The following LRTM2 variants were observed in gnomAD, a reference collection of about 807,000 sequenced individuals.
LRTM2 encodes the protein leucine-rich repeat and transmembrane domain-containing protein 2.
In LRTM2, 18 loss-of-function variants were observed where a neutral mutation model predicts 28.1. The ratio of observed to expected loss-of-function variants is 0.64; its 90% CI spans 0.44 to 0.95. The LOEUF (loss-of-function observed/expected upper bound fraction) is 0.95, where lower values mean the gene tolerates loss of function less well. LRTM2 is among the 40% of genes least tolerant of loss of function. The pLI, the probability that LRTM2 is intolerant of heterozygous loss-of-function variation, is 0.00. For missense variants in LRTM2, 436 were observed against 497.2 expected, an observed-to-expected ratio of 0.88 and a Z score of 1.17; for synonymous variants, 250 against 218.7, an observed-to-expected ratio of 1.14 and a Z score of -1.26.
At chr12:1,827,055 C>T (rs983907190) in intron 1 of LRTM2, among the ~76,000 whole-genome samples, 12 of 152,328 alleles carry the variant, frequency 7.9e-5, no homozygotes, top group Middle Eastern at 3.4e-3. Flanking sequence ...GGCTGGGAGC[C>T]GCCTGGAGCA....
Position 1,833,672 on chromosome 12 carries a change from C to G in LRTM2, c.659-595C>G, listed in dbSNP as rs1461055803. Among the ~76,000 whole-genome samples, 1 of 152,158 alleles carries G rather than the reference C, an allele frequency of 6.6e-6. No individual in the cohort carries two copies. The highest frequency in any genetic ancestry group is 1.5e-5 in the Non-Finnish European group (1 of 68,030). On this transcript the variant is annotated intron_variant, in intron 4 of 4. Coordinates refer to ENST00000299194, the MANE Select transcript of LRTM2 (RefSeq NM_001039029.3). The surrounding 1 kb of genome is among the most constrained non-coding windows in gnomAD (Gnocchi z 4.2). ...AACATTCCTGCCCAACTCTTTTCCT[C>G]TTTACGCCAGGAAGGGAGCTGCCCA...
intron 1 of LRTM2, among the ~76,000 whole-genome samples, chr12:1,826,359 A>G (rs1864315341): frequency 6.6e-6 from 1 of 150,978 alleles, no homozygotes; most frequent in Non-Finnish European, 1.5e-5. Context: ...AGAGGCTTTA[A>G]GCAGTTTGTT....
intron 3 of LRTM2, 119 bp from the exon 4 acceptor site, chr12:1,830,816 G>A: frequency 1.3e-6 from 1 of 794,746 alleles, no homozygotes; most frequent in Non-Finnish European, 2.0e-6. Context: ...CATTGATTGT[G>A]GCTTGTGCCA....
chr12:1,831,177 C>T lies in LRTM2; in HGVS notation c.310C>T (p.Leu104=). 6.2e-7 allele frequency: 1 copy of T among 1,613,974 alleles called. No homozygotes were observed. The highest frequency in any genetic ancestry group is 8.5e-7 in the Non-Finnish European group (1 of 1,180,022). Residue 104 remains leucine, a synonymous_variant, in exon 4 of 5, where the codon CTG becomes TTG. Coordinates refer to ENST00000299194, the MANE Select transcript of LRTM2 (RefSeq NM_001039029.3). ...LQRLDLSNNF[L]DRLPRSIFGD... is the part of the protein sequence containing the mutation. Reference sequence around the variant, plus strand: ...GCGGTTGGACCTGTCCAACAACTTCCTGGACCGGCTGCCCCGCTCCATTTT... The same window carrying T: ...GCGGTTGGACCTGTCCAACAACTTCTTGGACCGGCTGCCCCGCTCCATTTT...
Position 1,835,433 on chromosome 12 carries a change from A to G in LRTM2, c.*712A>G, listed in dbSNP as rs78537235. 20,652 of 152,450 alleles carry G rather than the reference A, an allele frequency of 0.14. 1,665 individuals are homozygous for G. The highest frequency in any genetic ancestry group is 0.18 in the Non-Finnish European group (11,962 of 68,164). 9.4% of individuals were successfully genotyped at this position (152,450 alleles called of 1,614,324 possible). On this transcript the variant is annotated 3_prime_UTR_variant, in exon 5 of 5. Transcript: ENST00000299194. ...ATTGAAAGAATTAATACACACACAC[A>G]CACACACACACTCACACGGTCACAC... is the stretch of plus-strand genomic sequence containing the variant.
At chr12:1,824,787 G>A (rs1358853134) in intron 1 of LRTM2, among the ~76,000 whole-genome samples, 1 of 152,176 alleles carries the variant, frequency 6.6e-6, no homozygotes, top group Non-Finnish European at 1.5e-5. Flanking sequence ...GGATGGAGGC[G>A]TGTTGGTAGG....
intron 1 of LRTM2, among the ~76,000 whole-genome samples, chr12:1,826,436 C>T: frequency 7.2e-6 from 1 of 139,742 alleles, no homozygotes; most frequent in Admixed American, 7.8e-5. Context: ...CACCAGGAGC[C>T]CACTGGAGCC....
chr12:1,831,515 C>T lies in LRTM2; in HGVS notation c.648C>T (p.Phe216=). ...AGTTCAAACACTGGATGGAGTGGTT[C>T]TCCTACCGAGGTGAGCGCAGCCGGC... The part of the protein sequence containing the change: ...LREFKHWMEW[F]SYRGGRLDQL... The change falls in exon 4 of 5, where the codon TTC becomes TTT. Residue 216 remains phenylalanine (F), a synonymous_variant. Coordinates refer to ENST00000299194, the MANE Select transcript of LRTM2 (RefSeq NM_001039029.3). 4 of 1,612,528 alleles carry T rather than the reference C, an allele frequency of 2.5e-6. No individual in the cohort carries two copies. In the South Asian group the frequency reaches 4.4e-5, roughly 18 times the overall value.
rs1361771201 is a variant in LRTM2 at position 1,831,055 on chromosome 12, C to A, written c.188C>A (p.Pro63His). Reference sequence around the variant, plus strand: ...AGTGGCCTTGGCCTCACCACGGTGCCCCCAGACGTGCCCGCAGCCACCCGA... The same window carrying A: ...AGTGGCCTTGGCCTCACCACGGTGCACCCAGACGTGCCCGCAGCCACCCGA... ...DCSGLGLTTV[P>H]PDVPAATRTL... Residue 63 changes from proline (P) to histidine (H), a missense_variant, in exon 4 of 5, where the codon CCC becomes CAC. Pro to His is a moderately conservative substitution (Grantham distance 77, BLOSUM62 -2). Coordinates refer to ENST00000299194, the MANE Select transcript of LRTM2 (RefSeq NM_001039029.3). 1 of 1,613,934 alleles carries A rather than the reference C, an allele frequency of 6.2e-7. No homozygotes were observed. The highest frequency in any genetic ancestry group is 8.5e-7 in the Non-Finnish European group (1 of 1,180,046).
intron 1 of LRTM2, among the ~76,000 whole-genome samples, chr12:1,825,822 C>G (rs1395469694): frequency 1.5e-5 from 2 of 135,836 alleles, no homozygotes; most frequent in African/African-American, 2.5e-5. Flanking sequence ...CAGCCTGGCT[C>G]TGAAACCTGC....
At position 1,835,008 on chromosome 12, in the gene LRTM2, C is replaced by T. The variant is rs952440058; in HGVS notation, c.*287C>T. On this transcript the variant is annotated 3_prime_UTR_variant, in exon 5 of 5. Transcript: ENST00000299194. ...CCACAGCAAAGCAAGGAGGTGTGTG[C>T]AAGAGGAGGCTTCCGGACTGGGCAT... 4.5e-6 allele frequency: 2 copies of T among 444,172 alleles called. No individual in the cohort carries two copies. The highest frequency in any genetic ancestry group is 3.9e-6 in the Non-Finnish European group (1 of 257,258). The allele number at this position is 444,172 out of a possible 1,614,324, so 27.5% of individuals were successfully genotyped here.
chr12:1,824,279 C>T lies in LRTM2; in HGVS notation c.-258-3131C>T, dbSNP rs139771443. Among the ~76,000 whole-genome samples the T allele has an allele frequency of 3.6e-3, 542 of 152,294 alleles. 2 individuals are homozygous for T. The highest frequency in any genetic ancestry group is 0.012 in the African/African-American group (508 of 41,540). On this transcript the variant is annotated intron_variant, in intron 1 of 4. Transcript: ENST00000299194. ...ATCCCCTGGGGATCTTGTTAAAATG[C>T]GGATTCTGACTCAGTCATTCTGGAT...
rs376511031 is a variant in LRTM2, at chr12:1,831,452, C to T, written c.585C>T (p.Val195=). 37 of 1,613,988 alleles carry T rather than the reference C, an allele frequency of 2.3e-5. No homozygotes were observed. The highest frequency in any genetic ancestry group is 3.3e-5 in the Admixed American group (2 of 60,008). Residue 195 remains valine (V), a synonymous_variant, in exon 4 of 5, where the codon GTC becomes GTT. Coordinates refer to ENST00000299194, the MANE Select transcript of LRTM2 (RefSeq NM_001039029.3). The part of the protein sequence containing the change: ...EPLANLQLLQ[V]GDNPWECDCN... ...TAGCAAACCTGCAGCTGCTGCAGGT[C>T]GGGGATAACCCCTGGGAGTGTGACT...
intron 1 of LRTM2, among the ~76,000 whole-genome samples, chr12:1,822,917 C>T (rs1177406134): frequency 6.6e-6 from 1 of 152,210 alleles, no homozygotes; most frequent in Non-Finnish European, 1.5e-5. Flanking sequence ...TCCGGGCTCC[C>T]TCTCAGCCTT....
chr12:1,834,681 G>A lies in LRTM2; in HGVS notation c.1073G>A (p.Gly358Asp). 2 of 1,602,012 alleles carry A rather than the reference G, an allele frequency of 1.2e-6. No individual in the cohort carries two copies. Among genetic ancestry groups the A allele is most frequent in the Non-Finnish European group, 1.7e-6 (2 of 1,179,436 alleles). Residue 358 changes from glycine to aspartate, a missense_variant, in exon 5 of 5, where the codon GGC (glycine) becomes GAC (aspartate). Gly to Asp is a moderately conservative substitution (Grantham distance 94). Coordinates refer to ENST00000299194, the MANE Select transcript of LRTM2 (RefSeq NM_001039029.3). This position sits in a 1 kb window ranked among gnomAD's most constrained non-coding sequence, Gnocchi z 7.6. Reference protein sequence around the residue: ...KRQPLMGDPEGEHEDQKQISS... With the variant: ...KRQPLMGDPEDEHEDQKQISS... ...CAGCCCCTGATGGGGGACCCCGAGG[G>A]CGAGCACGAGGACCAGAAGCAGATC... is the stretch of plus-strand genomic sequence containing the variant.
At position 1,834,305 on chromosome 12, in the gene LRTM2, G is replaced by T. The variant is rs773855107; in HGVS notation, c.697G>T (p.Glu233Ter). 1.9e-6 allele frequency: 3 copies of T among 1,604,986 alleles called. No individual in the cohort carries two copies. The highest frequency in any genetic ancestry group is 2.6e-6 in the Non-Finnish European group (3 of 1,174,912). The change falls in exon 5 of 5, where the codon GAG (glutamate) becomes TAG (stop). Residue 233 changes from glutamate (E) to a stop codon, truncating the protein, a stop_gained. Transcript: ENST00000299194. LOFTEE classifies it high-confidence loss of function. The surrounding 1 kb of genome is among the most constrained non-coding windows in gnomAD (Gnocchi z 7.6). The stretch of plus-strand genomic sequence containing the variant: ...CCAGCTTGCCTGCACCCTGCCCAAG[G>T]AGCTGAGGGGGAAGGACATGCGGAT... ...LDQLACTLPK[E>*]LRGKDMRMVP...
chr12:1,821,694 C>T (rs536707568), intron 1 of LRTM2, among the ~76,000 whole-genome samples: 10 of 152,114 alleles, frequency 6.6e-5, no homozygotes, highest in Admixed American at 2.0e-4. Flanking sequence ...CTGAGTAGAG[C>T]GGGACAGTTG....
Position 1,835,619 on chromosome 12 carries a change from T to C in LRTM2, c.*898T>C, listed in dbSNP as rs546841479. ...CAGGATCCTTTGAGATCCTCTAAAGTGGGCCAAAGTGGTGCCCCTGGAGGA... is the reference window on the plus strand; with the variant it reads ...CAGGATCCTTTGAGATCCTCTAAAGCGGGCCAAAGTGGTGCCCCTGGAGGA... On this transcript the variant is annotated 3_prime_UTR_variant, in exon 5 of 5. Coordinates refer to ENST00000299194, the MANE Select transcript of LRTM2 (RefSeq NM_001039029.3). 1 of 152,710 alleles carries C rather than the reference T, an allele frequency of 6.5e-6. No individual in the cohort carries two copies. The highest frequency in any genetic ancestry group is 1.9e-4 in the East Asian group (1 of 5,178). 9.5% of individuals were successfully genotyped at this position (152,710 alleles called of 1,614,324 possible). A position where few individuals can be genotyped will look rare whatever the true frequency, so the allele number is the denominator to read the frequency against.
chr12:1,827,116 T>TCCTC (rs773757479), intron 1 of LRTM2, among the ~76,000 whole-genome samples: 1 of 152,022 alleles, frequency 6.6e-6, no homozygotes, highest in Admixed American at 6.5e-5. Flanking sequence ...GGTGCGGGCA[T>TCCTC]CCTCCCTCCC....
Sources: gnomAD v4.1 joint callset for allele counts (sites outside exome capture counted in the v4.1 genomes callset) on GRCh38, gnomAD v4.1.1 for gene constraint, Gnocchi (gnomAD v3.1) non-coding constraint, MANE v1.5 for transcripts, NCBI Gene and HGNC (gene_info 2026-07-23, HGNC 2026-07-21) for gene names.